Variants in ARHGAP42 observed in about 807,000 individuals in gnomAD.
ARHGAP42 encodes Rho GTPase activating protein 42.
ARHGAP42 carries 63 observed loss-of-function variants against 125.0 expected under a neutral mutation model. That is an observed-to-expected ratio of 0.50 (90% confidence interval 0.41 to 0.62). ARHGAP42 has a LOEUF of 0.62. ARHGAP42 is among the 20% of genes least tolerant of loss of function. ARHGAP42 has a pLI of 0.00. For missense variants in ARHGAP42, 766 were observed against 1,024.2 expected (o/e 0.75, Z 3.44); for synonymous variants, 339 against 351.0 (o/e 0.97, Z 0.38).
At chr11:100,784,332 A>G (rs1214650048) in intron 2 of ARHGAP42, among the ~76,000 whole-genome samples, 1 of 152,196 alleles carries the variant, frequency 6.6e-6, no homozygotes, top group Non-Finnish European at 1.5e-5. Flanking sequence ...AAGGATTTTG[A>G]ATTGGATAAT....
intron 1 of ARHGAP42, among the ~76,000 whole-genome samples, chr11:100,733,590 G>A (rs943244281): frequency 3.3e-5 from 5 of 152,032 alleles, no homozygotes; most frequent in East Asian, 1.9e-4. Context: ...CTGGGCGGCC[G>A]AGGCGGGCAG....
At chr11:100,902,187 G>A (rs1338388781) in intron 4 of ARHGAP42, among the ~76,000 whole-genome samples, 1 of 152,166 alleles carries the variant, frequency 6.6e-6, no homozygotes, top group Non-Finnish European at 1.5e-5. Flanking sequence ...GAAGAATGGG[G>A]CAGTCATTTT....
chr11:100,965,695 T>C lies in ARHGAP42; in HGVS notation c.1469T>C (p.Val490Ala). ...AVKSDDQNYR[V>A]EAVHALVHKL... is the part of the protein sequence containing the mutation. The stretch of plus-strand genomic sequence containing the variant: ...GAATCTGATGATCAAAACTACAGGG[T>C]GGAGGCTGTACATGCATTGGTGCAC... Residue 490 changes from valine to alanine, a missense_variant, in exon 17 of 24, where the codon GTG (valine) becomes GCG (alanine). Transcript: ENST00000298815. The C allele has an allele frequency of 6.4e-7, 1 of 1,550,606 alleles. No homozygotes were observed. Among genetic ancestry groups the C allele is most frequent in the Non-Finnish European group, 8.7e-7 (1 of 1,146,890 alleles).
intron 2 of ARHGAP42, among the ~76,000 whole-genome samples, chr11:100,781,947 T>TTG (rs1554996949): frequency 1.3e-5 from 2 of 151,784 alleles, no homozygotes; most frequent in African/African-American, 4.8e-5. Context: ...TTTTTTTTTT[T>TTG]TGTGCATTTA....
chr11:100,847,129 C>A (rs1221105326), intron 3 of ARHGAP42, among the ~76,000 whole-genome samples: 1 of 152,178 alleles, frequency 6.6e-6, no homozygotes, highest in Non-Finnish European at 1.5e-5. Context: ...AACACCCTCC[C>A]ACTAACAACC....
At chr11:100,773,562 T>C (rs907645419) in intron 2 of ARHGAP42, among the ~76,000 whole-genome samples, 2 of 152,224 alleles carry the variant, frequency 1.3e-5, no homozygotes, top group African/African-American at 4.8e-5. Context: ...TCCATTAAGC[T>C]TCTTACTTAA....
At chr11:100,858,317 G>A (rs1370992865) in intron 3 of ARHGAP42, among the ~76,000 whole-genome samples, 1 of 152,092 alleles carries the variant, frequency 6.6e-6, no homozygotes, top group Non-Finnish European at 1.5e-5. Flanking sequence ...GGCCCTCATT[G>A]TCTGAGACAA....
intron 1 of ARHGAP42, among the ~76,000 whole-genome samples, chr11:100,731,223 A>T (rs1861951355): frequency 1.3e-5 from 2 of 151,540 alleles, no homozygotes; most frequent in Admixed American, 1.3e-4. Flanking sequence ...CAGTGATGCC[A>T]TCTTGGCTCA....
At chr11:100,964,001 TATA>T (rs1401584374) in intron 16 of ARHGAP42, among the ~76,000 whole-genome samples, 3 of 151,890 alleles carry the variant, frequency 2.0e-5, no homozygotes, top group Admixed American at 6.6e-5. Context: ...ATTATATTAT[TATA>T]ATAATATTCA....
intron 4 of ARHGAP42, among the ~76,000 whole-genome samples, chr11:100,879,600 G>C (rs1465017216): frequency 2.0e-5 from 3 of 151,960 alleles, no homozygotes; most frequent in African/African-American, 7.3e-5. Flanking sequence ...CTTTTTTTCT[G>C]GTTCCTCTTC....
At position 100,775,414 on chromosome 11, in the gene ARHGAP42, T is replaced by A. The variant is rs184026926; in HGVS notation, c.250+4976T>A. Among the ~76,000 whole-genome samples, 131 of 152,262 alleles carry A rather than the reference T, an allele frequency of 8.6e-4. 3 individuals are homozygous for A. Among genetic ancestry groups the A allele is most frequent in the Non-Finnish European group, 9.6e-4 (65 of 68,022 alleles). ...AAAGGTACCATCATTTAACTATAAT[T>A]ACACAAGTAATATGTATGTAAATAC... On this transcript the variant is annotated intron_variant, in intron 2 of 23. Transcript: ENST00000298815.
rs180944610 is a variant in ARHGAP42 at position 100,922,333 on chromosome 11, G to A, written c.597+729G>A. ...ATTTCCTAATGTAAACCGCGTTACA[G>A]AAAAGAACAGGTGGCTGGTCTTTAT... is the stretch of plus-strand genomic sequence containing the variant. On this transcript the variant is annotated intron_variant, in intron 6 of 23. Coordinates refer to ENST00000298815, the MANE Select transcript of ARHGAP42 (RefSeq NM_152432.4). Among the ~76,000 whole-genome samples, 503 of 152,202 alleles carry A rather than the reference G, an allele frequency of 3.3e-3. 3 individuals are homozygous for A. Among genetic ancestry groups the A allele is most frequent in the African/African-American group, 0.011 (468 of 41,544 alleles).
chr11:100,965,532 G>A, intron 16 of ARHGAP42, 139 bp from the exon 17 acceptor site: 2 of 738,200 alleles, frequency 2.7e-6, no homozygotes, highest in Non-Finnish European at 4.6e-6. Flanking sequence ...CATAGGGAAT[G>A]ATAATGACAG....
chr11:100,755,553 T>C (rs1038900959), intron 1 of ARHGAP42, among the ~76,000 whole-genome samples: 1 of 152,230 alleles, frequency 6.6e-6, no homozygotes, highest in Non-Finnish European at 1.5e-5. Flanking sequence ...GTTCCACTGA[T>C]TGAGCATTTC....
rs1451503177 is a variant in ARHGAP42, at chr11:100,941,689, T to G, written c.833-95T>G. The G allele has an allele frequency of 4.5e-6, 3 of 670,894 alleles. No individual in the cohort carries two copies. In the Admixed American group the frequency reaches 1.0e-4, roughly 23 times the overall value. The allele number at this position is 670,894 out of a possible 1,614,324, so 41.6% of individuals were successfully genotyped here. A position where few individuals can be genotyped will look rare whatever the true frequency, so the allele number is the denominator to read the frequency against. On this transcript the variant is annotated intron_variant, in intron 8 of 23. Transcript: ENST00000298815. ...ACAAACTAGCATGGTATAGGAGAGA[T>G]AATCGGTTGTATATCATAGCACTGG...
chr11:100,697,868 G>A (rs1861314081), intron 1 of ARHGAP42, among the ~76,000 whole-genome samples: 1 of 152,116 alleles, frequency 6.6e-6, no homozygotes, highest in Non-Finnish European at 1.5e-5. Context: ...GCCAAACGGT[G>A]GGAGTGGAGA....
intron 2 of ARHGAP42, among the ~76,000 whole-genome samples, chr11:100,787,877 C>G (rs1863473132): frequency 6.6e-6 from 1 of 152,116 alleles, no homozygotes; most frequent in African/African-American, 2.4e-5. Context: ...TTACATGTGC[C>G]TTGTGAAGAG....
At chr11:100,941,488 T>TA (rs1331076155) in intron 8 of ARHGAP42, among the ~76,000 whole-genome samples, 1 of 152,156 alleles carries the variant, frequency 6.6e-6, no homozygotes, top group Non-Finnish European at 1.5e-5. Context: ...TTCCTACCTC[T>TA]ATGGAGTACA....
intron 3 of ARHGAP42, among the ~76,000 whole-genome samples, chr11:100,820,583 GT>G (rs1864381703): frequency 6.6e-6 from 1 of 152,128 alleles, no homozygotes; most frequent in Non-Finnish European, 1.5e-5. Context: ...TAATAGATCA[GT>G]TTATGCTAAG....
Sources: gnomAD v4.1 joint callset for allele counts (sites outside exome capture counted in the v4.1 genomes callset) on GRCh38, gnomAD v4.1.1 for gene constraint, MANE v1.5 for transcripts, NCBI Gene and HGNC (gene_info 2026-07-23, HGNC 2026-07-21) for gene names.